Variants in KIAA0930 observed in about 807,000 individuals in gnomAD.
The protein encoded by KIAA0930 is uncharacterized protein KIAA0930.
Under a neutral mutation model 43.9 loss-of-function variants are expected in KIAA0930, and 24 were observed. The ratio of observed to expected loss-of-function variants is 0.55; its 90% CI spans 0.40 to 0.77. The LOEUF (loss-of-function observed/expected upper bound fraction) is 0.77, where lower values mean the gene tolerates loss of function less well. Among genes scored for constraint, KIAA0930 ranks in the 30% least tolerant of loss-of-function variants. KIAA0930 has a pLI of 0.00. For synonymous variants in KIAA0930, 259 were observed against 216.4 expected (o/e 1.20, Z -1.73); for missense variants, 461 against 574.2 (o/e 0.80, Z 2.02).
intron 1 of KIAA0930, among the ~76,000 whole-genome samples, chr22:45,219,590 T>G (rs113191353): frequency 4.4e-4 from 60 of 135,668 alleles, no homozygotes; most frequent in Middle Eastern, 3.6e-3. Flanking sequence ...TTGTTTTTTT[T>G]TTTTTTTTTT....
chr22:45,213,032 C>T (rs1425228282), intron 1 of KIAA0930, among the ~76,000 whole-genome samples: 1 of 152,222 alleles, frequency 6.6e-6, no homozygotes, highest in African/African-American at 2.4e-5. Context: ...CTGACCAGTG[C>T]AATCTAGTGC....
intron 1 of KIAA0930, among the ~76,000 whole-genome samples, chr22:45,237,278 C>A (rs538301280): frequency 1.3e-5 from 2 of 152,386 alleles, no homozygotes; most frequent in East Asian, 1.9e-4. Context: ...GTTTGTACTT[C>A]AGCTAACAGT....
rs777965536 is a variant in KIAA0930, at chr22:45,240,696, C to A, written c.8G>T (p.Arg3Leu). Residue 3 changes from arginine to leucine, a missense_variant, in exon 1 of 10, where the codon CGT becomes CTT. Physicochemically the swap from Arg to Leu is moderately radical, Grantham distance 102. Coordinates refer to ENST00000336156, the MANE Select transcript of KIAA0930 (RefSeq NM_001009880.2). ...ACGGCCGCGCTCCTCCGCTATGGCA[C>A]GCAGCATGTGCTGCAGCGAGCGCTC... is the stretch of plus-strand genomic sequence containing the variant. ML[R>L]AIAEERGRLS... 1.4e-6 allele frequency: 2 copies of A among 1,400,810 alleles called. No individual in the cohort carries two copies. The highest frequency in any genetic ancestry group is 2.5e-5 in the South Asian group (2 of 78,720). 86.8% of individuals were successfully genotyped at this position (1,400,810 alleles called of 1,614,324 possible).
intron 7 of KIAA0930, chr22:45,201,102 C>A: frequency 2.2e-6 from 1 of 456,024 alleles, no homozygotes; most frequent in Non-Finnish European, 4.5e-6. Context: ...ACGGCTCCGA[C>A]ATCCACCAAA....
rs1326318069 is a variant in KIAA0930 at position 45,193,346 on chromosome 22, A to G, written c.*3830T>C. 6.6e-6 allele frequency: 1 copy of G among 152,120 alleles called. No homozygotes were observed. The highest frequency in any genetic ancestry group is 2.1e-4 in the South Asian group (1 of 4,828). 9.4% of individuals were successfully genotyped at this position (152,120 alleles called of 1,614,324 possible). A position where few individuals can be genotyped will look rare whatever the true frequency, so the allele number is the denominator to read the frequency against. On this transcript the variant is annotated 3_prime_UTR_variant, in exon 10 of 10. Coordinates refer to ENST00000336156, the MANE Select transcript of KIAA0930 (RefSeq NM_001009880.2). ...AAAGGATTTTGGCCAACAACTTAAA[A>G]CCACCATATTAGGACATGGTCCAGG...
intron 6 of KIAA0930, among the ~76,000 whole-genome samples, chr22:45,203,636 G>T (rs1313758637): frequency 1.3e-5 from 2 of 152,188 alleles, no homozygotes; most frequent in African/African-American, 4.8e-5. Context: ...ATGAAGGCAA[G>T]TGGCCCGCAT....
At chr22:45,213,337 C>T in intron 1 of KIAA0930, 1 of 1,303,698 alleles carries the variant, frequency 7.7e-7, no homozygotes, top group Middle Eastern at 2.1e-4. Flanking sequence ...CCATGCCCTG[C>T]CTGGCTCCTG....
chr22:45,217,407 T>C (rs371847074), intron 1 of KIAA0930, among the ~76,000 whole-genome samples: 25 of 143,078 alleles, frequency 1.7e-4, no homozygotes, highest in African/African-American at 5.9e-4. Context: ...ATTTAACATA[T>C]AGTTCATTCA....
At chr22:45,197,661 C>T (rs2083549381) in intron 9 of KIAA0930, 129 bp downstream of exon 9, 1 of 941,070 alleles carries the variant, frequency 1.1e-6, no homozygotes. Flanking sequence ...GCCAAGAGCC[C>T]TGCAAAGAAA....
chr22:45,238,204 G>A (rs1014821209), intron 1 of KIAA0930, among the ~76,000 whole-genome samples: 2 of 152,110 alleles, frequency 1.3e-5, no homozygotes, highest in African/African-American at 4.8e-5. Context: ...GGGATTACAG[G>A]CATGAGCCAC....
chr22:45,200,153 TGGCCCAGGAGGACCCA>T (rs775208558), intron 7 of KIAA0930, 118 bp from the exon 8 acceptor site: 142 of 1,084,026 alleles, frequency 1.3e-4, no homozygotes, highest in Non-Finnish European at 1.7e-4. Flanking sequence ...AAGAGGCCGC[TGGCCCAGGAGGACCCA>T]GGCCCAGCCG....
intron 1 of KIAA0930, among the ~76,000 whole-genome samples, chr22:45,226,560 T>A (rs926344825): frequency 6.6e-6 from 1 of 151,984 alleles, no homozygotes; most frequent in African/African-American, 2.4e-5. Context: ...CCCACAGCTG[T>A]TTCCAGACAG....
chr22:45,211,788 CAT>C (rs1029372647), intron 2 of KIAA0930, among the ~76,000 whole-genome samples, 166 bp downstream of exon 2: 4 of 152,208 alleles, frequency 2.6e-5, no homozygotes, highest in African/African-American at 4.8e-5. Flanking sequence ...CAGATTTGCA[CAT>C]GAGACTGTCT....
chr22:45,239,727 G>A (rs1035396858), intron 1 of KIAA0930, among the ~76,000 whole-genome samples: 1 of 152,168 alleles, frequency 6.6e-6, no homozygotes, highest in Non-Finnish European at 1.5e-5. Context: ...TCCGTACTCA[G>A]CAATGCTGTC....
chr22:45,236,463 G>A (rs1215808357), intron 1 of KIAA0930, among the ~76,000 whole-genome samples: 1 of 152,068 alleles, frequency 6.6e-6, no homozygotes, highest in Non-Finnish European at 1.5e-5. Flanking sequence ...CCTGCTTGAA[G>A]ACTACGCTGT....
Position 45,194,044 on chromosome 22 carries a change from C to A in KIAA0930, c.*3132G>T, listed in dbSNP as rs1437448085. On this transcript the variant is annotated 3_prime_UTR_variant, in exon 10 of 10. Transcript: ENST00000336156. ...TTAAAGGGGGTTTGGGTTTAAAGAC[C>A]AATGTATCTTTTTTTTTTTTTTTTT... 2 of 122,734 alleles carry A rather than the reference C, an allele frequency of 1.6e-5. No individual in the cohort carries two copies. Among genetic ancestry groups the A allele is most frequent in the African/African-American group, 6.1e-5 (2 of 32,796 alleles). The allele number at this position is 122,734 out of a possible 1,614,324, so 7.6% of individuals were successfully genotyped here. A position where few individuals can be genotyped will look rare whatever the true frequency, so the allele number is the denominator to read the frequency against.
intron 7 of KIAA0930, 22 bp downstream of exon 7, chr22:45,202,968 C>T: frequency 1.3e-6 from 2 of 1,567,840 alleles, no homozygotes; most frequent in Non-Finnish European, 1.7e-6. Context: ...GGAGCCCCCG[C>T]CCCCAGCTGT....
chr22:45,236,260 C>T (rs1043411718), intron 1 of KIAA0930: 10 of 152,424 alleles, frequency 6.6e-5, no homozygotes, highest in Non-Finnish European at 1.0e-4. Context: ...GCGGCAGGCA[C>T]GCAGCATCCT....
At chr22:45,213,258 G>A (rs1569077804) in intron 1 of KIAA0930, 2 of 1,234,576 alleles carry the variant, frequency 1.6e-6, no homozygotes, top group Non-Finnish European at 2.1e-6. Context: ...CCAGCCCTCG[G>A]CCCTCAGCCC....
Sources: gnomAD v4.1 joint callset for allele counts (sites outside exome capture counted in the v4.1 genomes callset) on GRCh38, gnomAD v4.1.1 for gene constraint, MANE v1.5 for transcripts, NCBI Gene and HGNC (gene_info 2026-07-23, HGNC 2026-07-21) for gene names.